The following GTF2A1L variants were observed in gnomAD, a reference collection of about 807,000 sequenced individuals.
GTF2A1L encodes TFIIA-alpha and beta-like factor.
GTF2A1L carries 48 observed loss-of-function variants against 49.7 expected under a neutral mutation model. The observed-to-expected ratio is 0.97, with a 90% CI of 0.77 to 1.23. The LOEUF (loss-of-function observed/expected upper bound fraction) is 1.23. Among genes scored for constraint, GTF2A1L ranks in the 50% most tolerant of loss-of-function variants. GTF2A1L has a pLI of 0.00. For missense variants in GTF2A1L, 736 were observed against 564.8 expected (o/e 1.30, Z -3.07); for synonymous variants, 246 against 193.5 (o/e 1.27, Z -2.25).
intron 6 of GTF2A1L, among the ~76,000 whole-genome samples, chr2:48,653,000 C>T (rs907172008): frequency 2.6e-5 from 4 of 151,830 alleles, no homozygotes; most frequent in Non-Finnish European, 5.9e-5. Context: ...GAGGCTGAGG[C>T]GGGTGGATCA....
chr2:48,637,498 A>G (rs892062455), intron 3 of GTF2A1L, among the ~76,000 whole-genome samples: 2 of 152,194 alleles, frequency 1.3e-5, no homozygotes, highest in Non-Finnish European at 2.9e-5. Flanking sequence ...AATTCATAGC[A>G]CTAAATGCCC....
At chr2:48,625,371 ATC>A (rs995119173) in intron 3 of GTF2A1L, among the ~76,000 whole-genome samples, 5 of 144,024 alleles carry the variant, frequency 3.5e-5, no homozygotes, top group African/African-American at 1.2e-4. Context: ...TTGGAAAAAG[ATC>A]TATTCAAGTC....
At chr2:48,657,670 C>A (rs1190724255) in intron 6 of GTF2A1L, among the ~76,000 whole-genome samples, 1 of 152,110 alleles carries the variant, frequency 6.6e-6, no homozygotes, top group Non-Finnish European at 1.5e-5. Flanking sequence ...TGAGAAATCT[C>A]CAAACTGCTT....
intron 8 of GTF2A1L, among the ~76,000 whole-genome samples, chr2:48,673,354 G>T (rs1679276273): frequency 7.5e-6 from 1 of 133,238 alleles, no homozygotes; most frequent in South Asian, 2.4e-4. Flanking sequence ...TACTGACACA[G>T]GAAACTTTTT....
intron 3 of GTF2A1L, among the ~76,000 whole-genome samples, chr2:48,621,867 G>A (rs780683806): frequency 2.1e-4 from 32 of 152,252 alleles, no homozygotes; most frequent in African/African-American, 4.6e-4. Flanking sequence ...CACATTATGC[G>A]TATCAATTTA....
intron 1 of GTF2A1L, among the ~76,000 whole-genome samples, chr2:48,618,469 T>C (rs755394619): frequency 2.6e-5 from 4 of 152,154 alleles, no homozygotes; most frequent in Non-Finnish European, 5.9e-5. Flanking sequence ...TAGGAGACCA[T>C]CAATCTTAAA....
At position 48,642,960 on chromosome 2, in the gene GTF2A1L, C is replaced by T. The variant is rs1677285573; in HGVS notation, c.303+503C>T. On this transcript the variant is annotated intron_variant, in intron 4 of 8. Coordinates refer to ENST00000403751, the MANE Select transcript of GTF2A1L (RefSeq NM_006872.5). Reference sequence around the variant, plus strand: ...AGTTCCAGAATTGACATTTTCTTGCCAAGTTTTCCTGTCTTTCAGAGCAGT... The same window carrying T: ...AGTTCCAGAATTGACATTTTCTTGCTAAGTTTTCCTGTCTTTCAGAGCAGT... Among the ~76,000 whole-genome samples the T allele has an allele frequency of 2.6e-5, 4 of 152,136 alleles. No homozygotes were observed. In the South Asian group the frequency reaches 8.3e-4, roughly 32 times the overall value.
At chr2:48,646,011 T>C (rs1213927183) in intron 5 of GTF2A1L, among the ~76,000 whole-genome samples, 1 of 152,034 alleles carries the variant, frequency 6.6e-6, no homozygotes, top group East Asian at 1.9e-4. Flanking sequence ...TTGATTACTT[T>C]TGAAATCATT....
intron 8 of GTF2A1L, among the ~76,000 whole-genome samples, chr2:48,675,671 A>T (rs935498766): frequency 1.1e-4 from 17 of 152,008 alleles, no homozygotes; most frequent in Non-Finnish European, 8.8e-5. Context: ...GTTCTGTGCT[A>T]CAAATAGGAC....
At chr2:48,676,432 T>C (rs1032691895) in intron 8 of GTF2A1L, among the ~76,000 whole-genome samples, 6 of 151,840 alleles carry the variant, frequency 4.0e-5, no homozygotes, top group Admixed American at 2.0e-4. Flanking sequence ...TAAGAGCATT[T>C]TGCCATTGTG....
At chr2:48,642,034 T>C (rs1387395490) in intron 3 of GTF2A1L, among the ~76,000 whole-genome samples, 7 of 152,196 alleles carry the variant, frequency 4.6e-5, no homozygotes, top group Non-Finnish European at 1.0e-4. Flanking sequence ...TTATGTTGGG[T>C]TAACATATTT....
At chr2:48,636,156 T>G (rs1676875029) in intron 3 of GTF2A1L, among the ~76,000 whole-genome samples, 1 of 152,208 alleles carries the variant, frequency 6.6e-6, no homozygotes, top group Non-Finnish European at 1.5e-5. Flanking sequence ...ATTTACTATT[T>G]TGTTATTTCC....
intron 6 of GTF2A1L, among the ~76,000 whole-genome samples, chr2:48,653,876 A>G (rs1678007744): frequency 7.2e-6 from 1 of 138,200 alleles, no homozygotes; most frequent in East Asian, 2.2e-4. Flanking sequence ...AGCTGAGATC[A>G]TGCCACTGCA....
intron 3 of GTF2A1L, among the ~76,000 whole-genome samples, chr2:48,637,924 A>G (rs1265015305): frequency 6.6e-6 from 1 of 152,158 alleles, no homozygotes; most frequent in Non-Finnish European, 1.5e-5. Context: ...AAATAAAAAT[A>G]ACCATCAGAA....
intron 3 of GTF2A1L, among the ~76,000 whole-genome samples, chr2:48,631,759 T>A (rs1232862395): frequency 6.6e-6 from 1 of 152,172 alleles, no homozygotes; most frequent in Non-Finnish European, 1.5e-5. Flanking sequence ...GATTGTTAAT[T>A]TGAGATCTTT....
At chr2:48,647,997 A>G (rs1395596819) in intron 6 of GTF2A1L, among the ~76,000 whole-genome samples, 8 of 152,120 alleles carry the variant, frequency 5.3e-5, no homozygotes, top group Non-Finnish European at 1.5e-5. Flanking sequence ...GTAGCAATGG[A>G]TAGTTAAGCA....
chr2:48,671,308 T>G (rs1471785139), intron 7 of GTF2A1L, among the ~76,000 whole-genome samples: 1 of 152,144 alleles, frequency 6.6e-6, no homozygotes, highest in Non-Finnish European at 1.5e-5. Context: ...GTTCAGATGA[T>G]TCTCCTGCCT....
chr2:48,646,574 T>G lies in GTF2A1L; in HGVS notation c.510T>G (p.Thr170=). 1 of 1,614,162 alleles carries G rather than the reference T, an allele frequency of 6.2e-7. No individual in the cohort carries two copies. The highest frequency in any genetic ancestry group is 8.5e-7 in the Non-Finnish European group (1 of 1,180,032). Residue 170 remains threonine (T), a synonymous_variant, in exon 6 of 9, where the codon ACT becomes ACG. Transcript: ENST00000403751. ...QQLGQPSVIQ[T]SVPQLNPWSL... ...TTGGCCAGCCTTCAGTAATACAAAC[T>G]AGTGTTCCACAATTGAATCCATGGT...
At chr2:48,653,114 G>A (rs948891333) in intron 6 of GTF2A1L, among the ~76,000 whole-genome samples, 2 of 151,176 alleles carry the variant, frequency 1.3e-5, no homozygotes, top group Admixed American at 6.6e-5. Flanking sequence ...CCAGCTACTC[G>A]GGAGGCTGAG....
Sources: gnomAD v4.1 joint callset for allele counts (sites outside exome capture counted in the v4.1 genomes callset) on GRCh38, gnomAD v4.1.1 for gene constraint, MANE v1.5 for transcripts, NCBI Gene and HGNC (gene_info 2026-07-23, HGNC 2026-07-21) for gene names.